Variants in FMN1 observed in about 807,000 individuals in gnomAD.
FMN1 encodes the protein formin-1.
In FMN1, 110 loss-of-function variants were observed where a neutral mutation model predicts 132.4. The ratio of observed to expected loss-of-function variants is 0.83; its 90% CI spans 0.71 to 0.97. The LOEUF (loss-of-function observed/expected upper bound fraction) is 0.97. Among genes scored for constraint, FMN1 ranks in the 50% least tolerant of loss-of-function variants. The pLI, the probability that FMN1 is intolerant of heterozygous loss-of-function variation, is 0.00. For missense variants in FMN1, 1,792 were observed against 1,705.3 expected, an observed-to-expected ratio of 1.05 and a Z score of -0.90; for synonymous variants, 722 against 651.7, an observed-to-expected ratio of 1.11 and a Z score of -1.64.
chr15:33,110,989 CAT>C (rs928257981), intron 4 of FMN1, among the ~76,000 whole-genome samples: 6 of 152,100 alleles, frequency 3.9e-5, no homozygotes, highest in Non-Finnish European at 5.9e-5. Context: ...TGAGTTAACA[CAT>C]GTGAAAAAGT....
intron 19 of FMN1, among the ~76,000 whole-genome samples, chr15:32,793,114 G>C (rs2057149765): frequency 6.6e-6 from 1 of 152,130 alleles, no homozygotes; most frequent in African/African-American, 2.4e-5. Flanking sequence ...CTTTCAGAGA[G>C]AGGGCCAAGA....
At chr15:33,146,493 A>C (rs551326777) in intron 4 of FMN1, among the ~76,000 whole-genome samples, 1 of 150,808 alleles carries the variant, frequency 6.6e-6, no homozygotes, top group African/African-American at 2.4e-5. Flanking sequence ...ACCTGATTTC[A>C]AGTTCTTTCC....
At chr15:33,127,443 C>A (rs1260221397) in intron 4 of FMN1, among the ~76,000 whole-genome samples, 2 of 152,156 alleles carry the variant, frequency 1.3e-5, no homozygotes, top group Non-Finnish European at 2.9e-5. Flanking sequence ...ATGAGTGAAC[C>A]TACATCTAAC....
intron 5 of FMN1, among the ~76,000 whole-genome samples, chr15:33,082,031 G>GTA (rs1434890577): frequency 7.3e-5 from 10 of 136,900 alleles, no homozygotes; most frequent in African/African-American, 2.4e-4. Flanking sequence ...GTGTGTGTGT[G>GTA]TGTGTGTGTG....
rs1316678479 is a variant in FMN1, at chr15:33,087,787, GTA to G, written c.2043+1010_2043+1011del. Among the ~76,000 whole-genome samples the G allele has an allele frequency of 4.8e-5, 7 of 145,130 alleles. No homozygotes were observed. The East Asian group carries it at 1.4e-3, about 28-fold the overall frequency. Reference sequence around the variant, plus strand: ...ACAATGAGTGGATAAATAAAATGTGGTATATATTTACATATATACATATACAC... The same window carrying G: ...ACAATGAGTGGATAAATAAAATGTGGTATATTTACATATATACATATACAC... On this transcript the variant is annotated intron_variant, in intron 5 of 20. Coordinates refer to ENST00000616417, the MANE Select transcript of FMN1 (RefSeq NM_001277313.2).
intron 4 of FMN1, among the ~76,000 whole-genome samples, chr15:33,104,358 C>A (rs1346000059): frequency 6.6e-6 from 1 of 152,046 alleles, no homozygotes; most frequent in South Asian, 2.1e-4. Context: ...CAAATTTTCA[C>A]GATTTACAAT....
Position 33,047,983 on chromosome 15 carries a change from G to A in FMN1, c.2161+16974C>T, listed in dbSNP as rs1012312108. 2.6e-5 allele frequency among the ~76,000 whole-genome samples: 4 copies of A among 152,160 alleles called. No homozygotes were observed. In the East Asian group the frequency reaches 5.8e-4, roughly 22 times the overall value. Reference sequence around the variant, plus strand: ...GCGCGTGTGTAATCTTTACATAAAAGAGCTCTAATTTGCTTAAAGAAAAAT... The same window carrying A: ...GCGCGTGTGTAATCTTTACATAAAAAAGCTCTAATTTGCTTAAAGAAAAAT... On this transcript the variant is annotated intron_variant, in intron 6 of 20. Transcript: ENST00000616417.
At chr15:33,055,775 A>G (rs781598428) in intron 6 of FMN1, among the ~76,000 whole-genome samples, 4 of 152,342 alleles carry the variant, frequency 2.6e-5, no homozygotes, top group Middle Eastern at 3.4e-3. Context: ...CAGATTCATT[A>G]GAGTAAAACT....
chr15:32,874,017 G>GTTTTT (rs962842419), intron 16 of FMN1, among the ~76,000 whole-genome samples: 2,646 of 114,956 alleles, frequency 0.023, 127 homozygotes, highest in African/African-American at 0.065. Flanking sequence ...TATTTTAGTT[G>GTTTTT]TTTTTTTTTT....
chr15:33,094,483 G>A (rs2039009057), intron 4 of FMN1, among the ~76,000 whole-genome samples: 2 of 152,172 alleles, frequency 1.3e-5, no homozygotes, highest in South Asian at 4.1e-4. Flanking sequence ...GCACTGCAGT[G>A]CAGCAGATCC....
chr15:32,822,989 A>C (rs2058259416), intron 17 of FMN1, among the ~76,000 whole-genome samples: 1 of 152,090 alleles, frequency 6.6e-6, no homozygotes, highest in Non-Finnish European at 1.5e-5. Flanking sequence ...AGAGTAGGAC[A>C]ATATGCTGCA....
chr15:32,952,864 G>A (rs1043058412), intron 9 of FMN1, among the ~76,000 whole-genome samples: 8 of 152,152 alleles, frequency 5.3e-5, no homozygotes, highest in African/African-American at 7.2e-5. Flanking sequence ...CTCTTGTGGC[G>A]AAGGGAGGGA....
intron 6 of FMN1, among the ~76,000 whole-genome samples, chr15:33,052,751 G>C (rs981015632): frequency 6.6e-6 from 1 of 152,184 alleles, no homozygotes; most frequent in Admixed American, 6.5e-5. Flanking sequence ...ACCAGACTGA[G>C]AACTTATCTT....
chr15:33,056,756 A>C lies in FMN1; in HGVS notation c.2161+8201T>G, dbSNP rs868446200. Among the ~76,000 whole-genome samples the C allele has an allele frequency of 9.8e-5, 15 of 152,344 alleles. No individual in the cohort carries two copies. The Middle Eastern group carries it at 0.01, about 104-fold the overall frequency. ...ATGTTGCAATATATTCATACAATGG[A>C]ATACTATAGGGGAATGAAAATAAAT... On this transcript the variant is annotated intron_variant, in intron 6 of 20. Transcript: ENST00000616417.
chr15:33,107,954 C>T (rs1278114864), intron 4 of FMN1, among the ~76,000 whole-genome samples: 1 of 152,096 alleles, frequency 6.6e-6, no homozygotes, highest in Non-Finnish European at 1.5e-5. Context: ...GGTGTGTTTG[C>T]AGATCTTCTA....
chr15:32,913,023 A>G (rs1158315051), intron 10 of FMN1, among the ~76,000 whole-genome samples: 1 of 152,170 alleles, frequency 6.6e-6, no homozygotes, highest in Non-Finnish European at 1.5e-5. Context: ...ATCTGGAAAG[A>G]GTTAGAGAAA....
chr15:32,923,770 CTA>C (rs1348122508), intron 10 of FMN1, among the ~76,000 whole-genome samples: 2 of 152,228 alleles, frequency 1.3e-5, no homozygotes, highest in African/African-American at 4.8e-5. Flanking sequence ...GGTAACTGGA[CTA>C]TCACATGGCT....
At chr15:33,103,994 G>A (rs1424080395) in intron 4 of FMN1, among the ~76,000 whole-genome samples, 4 of 151,874 alleles carry the variant, frequency 2.6e-5, no homozygotes, top group South Asian at 2.1e-4. Flanking sequence ...TTTACTAAAA[G>A]AAAATTAACT....
intron 2 of FMN1, among the ~76,000 whole-genome samples, chr15:33,187,115 G>A (rs1264204424): frequency 6.6e-6 from 1 of 152,104 alleles, no homozygotes; most frequent in African/African-American, 2.4e-5. Flanking sequence ...CCCAATTGCT[G>A]TACTTCTAAA....
Sources: allele counts gnomAD v4.1 joint callset (sites outside exome capture counted in the v4.1 genomes callset), GRCh38; gene constraint gnomAD v4.1.1; transcripts MANE v1.5; gene names NCBI Gene and HGNC (gene_info 2026-07-23, HGNC 2026-07-21).